The following GABRG3 variants were observed in gnomAD, a reference collection of about 807,000 sequenced individuals.
The protein encoded by GABRG3 is gamma-aminobutyric acid receptor subunit gamma-3.
A neutral mutation model predicts 48.8 loss-of-function variants in GABRG3; 25 were observed. That is an observed-to-expected ratio of 0.51 (90% confidence interval 0.37 to 0.72). The LOEUF is 0.72. Among genes scored for constraint, GABRG3 ranks in the 30% least tolerant of loss-of-function variants. The pLI, the probability that GABRG3 is intolerant of heterozygous loss-of-function variation, is 0.00. For missense variants in GABRG3, 394 were observed against 577.9 expected, an observed-to-expected ratio of 0.68 and a Z score of 3.26; for synonymous variants, 227 against 217.6, an observed-to-expected ratio of 1.04 and a Z score of -0.38.
intron 3 of GABRG3, among the ~76,000 whole-genome samples, chr15:27,054,079 G>A (rs1030580850): frequency 6.6e-6 from 1 of 152,024 alleles, no homozygotes; most frequent in Non-Finnish European, 1.5e-5. Context: ...CTAACCTGGT[G>A]AAACCCCATC....
intron 3 of GABRG3, among the ~76,000 whole-genome samples, chr15:27,049,804 G>T (rs888040499): frequency 6.6e-6 from 1 of 152,212 alleles, no homozygotes; most frequent in African/African-American, 2.4e-5. Context: ...GAAGAGCAGG[G>T]CTCTGGGAGG....
intron 3 of GABRG3, among the ~76,000 whole-genome samples, chr15:27,262,347 G>A (rs1055055490): frequency 1.3e-5 from 2 of 152,226 alleles, no homozygotes; most frequent in African/African-American, 2.4e-5. Flanking sequence ...GATGGTAAGA[G>A]TGCTATGTCC....
intron 5 of GABRG3, among the ~76,000 whole-genome samples, chr15:27,400,386 A>C (rs1215779072): frequency 6.6e-6 from 1 of 152,192 alleles, no homozygotes; most frequent in African/African-American, 2.4e-5. Context: ...TCATGTACGA[A>C]AGTTTCCAAT....
intron 3 of GABRG3, among the ~76,000 whole-genome samples, chr15:27,206,291 G>A (rs1203705703): frequency 1.3e-5 from 2 of 152,134 alleles, no homozygotes; most frequent in African/African-American, 4.8e-5. Flanking sequence ...CTTGATTTCT[G>A]TCTTAATTTC....
intron 6 of GABRG3, among the ~76,000 whole-genome samples, chr15:27,490,464 G>A (rs920883542): frequency 1.3e-5 from 2 of 152,150 alleles, no homozygotes; most frequent in Non-Finnish European, 2.9e-5. Flanking sequence ...TTGGCCAGAC[G>A]TCCATTTTCC....
chr15:27,350,151 C>A (rs1028427268), intron 5 of GABRG3: 2 of 455,918 alleles, frequency 4.4e-6, no homozygotes, highest in Non-Finnish European at 8.8e-6. Flanking sequence ...TTCAGATTGT[C>A]TCTTCATGCA....
intron 5 of GABRG3, among the ~76,000 whole-genome samples, chr15:27,389,960 A>G (rs763354529): frequency 2.0e-5 from 3 of 152,234 alleles, no homozygotes; most frequent in South Asian, 4.1e-4. Flanking sequence ...GACAAAGAAT[A>G]TATTCTATCT....
intron 5 of GABRG3, among the ~76,000 whole-genome samples, chr15:27,342,358 C>T (rs1894211307): frequency 6.6e-6 from 1 of 152,236 alleles, no homozygotes; most frequent in South Asian, 2.1e-4. Flanking sequence ...GAACTCAGCT[C>T]TTGTTGTCCA....
intron 5 of GABRG3, among the ~76,000 whole-genome samples, chr15:27,401,363 T>C (rs1323550160): frequency 2.0e-5 from 3 of 152,196 alleles, no homozygotes; most frequent in Admixed American, 1.3e-4. Context: ...CATTATCAGA[T>C]TGCAAAAAGG....
intron 6 of GABRG3, among the ~76,000 whole-genome samples, chr15:27,509,003 G>A (rs1178512538): frequency 2.0e-5 from 3 of 152,016 alleles, no homozygotes; most frequent in Non-Finnish European, 2.9e-5. Context: ...ATAGGCTTGA[G>A]CCACCGTGCC....
At chr15:27,255,901 T>C (rs1566981984) in intron 3 of GABRG3, among the ~76,000 whole-genome samples, 2 of 152,012 alleles carry the variant, frequency 1.3e-5, no homozygotes, top group Non-Finnish European at 2.9e-5. Context: ...TAGTGACTTT[T>C]TACCCATTGT....
chr15:27,200,276 G>A (rs12908145), intron 3 of GABRG3, among the ~76,000 whole-genome samples: 40,248 of 152,172 alleles, frequency 0.26, 6,024 homozygotes, highest in South Asian at 0.46. Flanking sequence ...GGGCAGGCAT[G>A]GCTGTCACAC....
At chr15:27,196,376 C>G (rs1888496937) in intron 3 of GABRG3, among the ~76,000 whole-genome samples, 1 of 152,202 alleles carries the variant, frequency 6.6e-6, no homozygotes, top group South Asian at 2.1e-4. Context: ...GACTTGCTGT[C>G]TGCTCAAACT....
At chr15:27,323,514 A>G (rs574545613) in intron 3 of GABRG3, among the ~76,000 whole-genome samples, 6 of 152,320 alleles carry the variant, frequency 3.9e-5, no homozygotes, top group Non-Finnish European at 8.8e-5. Context: ...CCATTCTCAC[A>G]TACTGAATTT....
intron 5 of GABRG3, among the ~76,000 whole-genome samples, chr15:27,369,546 G>A (rs771521658): frequency 5.9e-5 from 9 of 152,108 alleles, no homozygotes; most frequent in Non-Finnish European, 8.8e-5. Flanking sequence ...GGCCGGGCGC[G>A]GTGGCTCATC....
chr15:27,375,559 T>C (rs970576926), intron 5 of GABRG3, among the ~76,000 whole-genome samples: 3 of 152,140 alleles, frequency 2.0e-5, no homozygotes, highest in South Asian at 2.1e-4. Context: ...AGAGATTTAA[T>C]TGGACTCACA....
At chr15:27,439,559 C>T (rs1000974965) in intron 5 of GABRG3, among the ~76,000 whole-genome samples, 14 of 152,136 alleles carry the variant, frequency 9.2e-5, no homozygotes, top group African/African-American at 3.1e-4. Context: ...GTGATTCCCA[C>T]GGGGGTCCAT....
chr15:27,219,158 C>T (rs540634375), intron 3 of GABRG3, among the ~76,000 whole-genome samples: 21 of 152,316 alleles, frequency 1.4e-4, no homozygotes, highest in South Asian at 1.2e-3. Flanking sequence ...CATTCTCTCT[C>T]GCAGATTTCA....
intron 3 of GABRG3, among the ~76,000 whole-genome samples, chr15:27,052,165 G>T (rs1896466649): frequency 6.6e-6 from 1 of 152,204 alleles, no homozygotes; most frequent in South Asian, 2.1e-4. Flanking sequence ...GAGGAAGAAT[G>T]CCATGTCTGG....
Sources: gnomAD v4.1 joint callset for allele counts (sites outside exome capture counted in the v4.1 genomes callset) on GRCh38, gnomAD v4.1.1 for gene constraint, MANE v1.5 for transcripts, NCBI Gene and HGNC (gene_info 2026-07-23, HGNC 2026-07-21) for gene names.